TIAM1: variants seen among roughly 807,000 people sequenced by gnomAD.
The protein encoded by TIAM1 is TIAM Rac1 associated GEF 1, also known as rho guanine nucleotide exchange factor TIAM1.
In TIAM1, 65 loss-of-function variants were observed where a neutral mutation model predicts 163.5. That is an observed-to-expected ratio of 0.40 (90% CI 0.33 to 0.49). The LOEUF (loss-of-function observed/expected upper bound fraction) is 0.49. Ranked by LOEUF, TIAM1 falls within the 20% of genes least tolerant of loss-of-function variation. TIAM1 has a pLI of 0.77. For synonymous variants in TIAM1, 833 were observed against 810.1 expected, an observed-to-expected ratio of 1.03 and a Z score of -0.48; for missense variants, 1,789 against 2,044.7, an observed-to-expected ratio of 0.87 and a Z score of 2.41.
chr21:31,318,869 G>A (rs1322536710), intron 2 of TIAM1, among the ~76,000 whole-genome samples: 2 of 152,056 alleles, frequency 1.3e-5, no homozygotes, highest in Admixed American at 1.3e-4. Flanking sequence ...TTTTGTTTTT[G>A]TTGTTTTATA....
At chr21:31,322,106 C>A (rs957260795) in intron 2 of TIAM1, among the ~76,000 whole-genome samples, 1 of 152,140 alleles carries the variant, frequency 6.6e-6, no homozygotes, top group Non-Finnish European at 1.5e-5. Context: ...AGAAAGAAAT[C>A]ATCTAAATAG....
At chr21:31,348,917 A>G (rs537154712), upstream of TIAM1, among the ~76,000 whole-genome samples, 4 of 152,346 alleles carry the variant, frequency 2.6e-5, no homozygotes, top group African/African-American at 9.6e-5. Flanking sequence ...CTCTATCTGA[A>G]AACAGAATAC....
At chr21:31,469,998 T>G (rs1602358217) in intron 1 of TIAM1, among the ~76,000 whole-genome samples, 1 of 109,948 alleles carries the variant, frequency 9.1e-6, no homozygotes, top group Non-Finnish European at 1.8e-5. Context: ...GTGAAAACCT[T>G]GAATTTTTTT....
intron 1 of TIAM1, among the ~76,000 whole-genome samples, chr21:31,518,570 G>A (rs111296358): frequency 0.12 from 18,440 of 152,050 alleles, 1,455 homozygotes; most frequent in African/African-American, 0.19. Context: ...TACAGGTGTT[G>A]GCCACTGCGC....
At chr21:31,335,689 A>C (rs1431472781) in intron 2 of TIAM1, among the ~76,000 whole-genome samples, 1 of 148,966 alleles carries the variant, frequency 6.7e-6, no homozygotes, top group Non-Finnish European at 1.5e-5. Context: ...TGGGTGACAG[A>C]GCGAGACTCT....
intron 12 of TIAM1, among the ~76,000 whole-genome samples, chr21:31,196,906 T>A (rs573478659): frequency 4.6e-5 from 7 of 152,220 alleles, no homozygotes; most frequent in Non-Finnish European, 1.0e-4. Flanking sequence ...GAATACTATG[T>A]AGCCATGAAA....
chr21:31,120,525 C>T lies in TIAM1; in HGVS notation c.4619G>A (p.Arg1540Gln), dbSNP rs751890515. 1.2e-5 allele frequency: 20 copies of T among 1,614,084 alleles called. No homozygotes were observed. Among genetic ancestry groups the T allele is most frequent in the South Asian group, 7.7e-5 (7 of 91,086 alleles). ...ATSISQRERG[R>Q]KTLDSHASRM... ...GGACGCGTGACTATCCAGGGTTTTC[C>T]GGCCTCTTTCCCGCTGACTGATGGA... Residue 1540 changes from arginine (R) to glutamine (Q), a missense_variant, in exon 28 of 28, where the codon CGG (arginine) becomes CAG (glutamine). This residue lies in a region of TIAM1 where 415 missense variants were observed against 439.2 expected (regional missense o/e 0.94). Transcript: ENST00000541036. The surrounding 1 kb of genome is among the most constrained non-coding windows in gnomAD (Gnocchi z 4.2).
At chr21:31,427,570 TG>T (rs1423355595) in intron 2 of TIAM1, among the ~76,000 whole-genome samples, 2 of 152,126 alleles carry the variant, frequency 1.3e-5, no homozygotes, top group Non-Finnish European at 2.9e-5. Flanking sequence ...CCAGACGCAG[TG>T]GCTAATGCCT....
intron 13 of TIAM1, 129 bp downstream of exon 13, chr21:31,195,095 C>T (rs2085778659): frequency 1.6e-6 from 1 of 628,566 alleles, no homozygotes; most frequent in Non-Finnish European, 2.7e-6. Context: ...CTGCCCTCCA[C>T]AGAGCAGGAG....
At chr21:31,152,406 T>A (rs2083420803) in intron 19 of TIAM1, among the ~76,000 whole-genome samples, 1 of 152,184 alleles carries the variant, frequency 6.6e-6, no homozygotes, top group Admixed American at 6.5e-5. Context: ...AAGGTCAAGG[T>A]TGGTACTTCT....
intron 6 of TIAM1, among the ~76,000 whole-genome samples, chr21:31,243,108 C>A (rs1463553888): frequency 1.4e-5 from 2 of 147,316 alleles, no homozygotes; most frequent in Non-Finnish European, 3.0e-5. Flanking sequence ...AGGAGAATTG[C>A]TTGAACGTGG....
At chr21:31,510,814 CA>C (rs10716139) in intron 1 of TIAM1, among the ~76,000 whole-genome samples, 85,068 of 138,592 alleles carry the variant, frequency 0.61, 25,053 homozygotes, top group East Asian at 0.96. Flanking sequence ...AACTCCATCT[CA>C]AAAAAAAAAA....
chr21:31,164,147 T>C (rs955842904), intron 16 of TIAM1, among the ~76,000 whole-genome samples: 18 of 152,272 alleles, frequency 1.2e-4, no homozygotes, highest in Admixed American at 2.0e-4. Context: ...TCCCAGCACT[T>C]TGGGAGGCCA....
chr21:31,184,457 C>A (rs2085187148), intron 14 of TIAM1, among the ~76,000 whole-genome samples: 1 of 152,126 alleles, frequency 6.6e-6, no homozygotes, highest in African/African-American at 2.4e-5. Flanking sequence ...TCTAGACACG[C>A]CAGGTGTTGG....
Position 31,124,690 on chromosome 21 carries a change from G to C in TIAM1, c.4138C>G (p.Pro1380Ala). Reference sequence around the variant, plus strand: ...TTTAGGAAATCCTTTCGGCTCTCTGGGGAGCTAGGAAAAGAAGATTTACAG... The same window carrying C: ...TTTAGGAAATCCTTTCGGCTCTCTGCGGAGCTAGGAAAAGAAGATTTACAG... ...ERVFHLCCSSPESRKDFLKAV... is the reference protein window; with the variant it reads ...ERVFHLCCSSAESRKDFLKAV... The change falls in exon 27 of 28, where the codon CCA (proline) becomes GCA (alanine). Residue 1380 changes from proline (P) to alanine (A), a missense_variant. Transcript: ENST00000541036. 6.4e-7 allele frequency: 1 copy of C among 1,570,602 alleles called. No homozygotes were observed. Among genetic ancestry groups the C allele is most frequent in the Non-Finnish European group, 8.6e-7 (1 of 1,157,694 alleles).
chr21:31,188,999 GATGGAGAC>G (rs2085427568), intron 13 of TIAM1, among the ~76,000 whole-genome samples: 1 of 144,178 alleles, frequency 6.9e-6, no homozygotes, highest in Admixed American at 6.9e-5. Flanking sequence ...AAGCCAATTA[GATGGAGAC>G]ATGGAGACAC....
chr21:31,144,870 A>G (rs2083038908), intron 20 of TIAM1, among the ~76,000 whole-genome samples: 1 of 150,992 alleles, frequency 6.6e-6, no homozygotes, highest in Non-Finnish European at 1.5e-5. Flanking sequence ...AAAGAAAAAT[A>G]TGGGTCATTC....
intron 23 of TIAM1, among the ~76,000 whole-genome samples, chr21:31,132,857 T>A (rs537067031): frequency 6.6e-6 from 1 of 152,214 alleles, no homozygotes; most frequent in African/African-American, 2.4e-5. Context: ...AAAACGTGAA[T>A]GTCAAATACC....
intron 2 of TIAM1, among the ~76,000 whole-genome samples, chr21:31,373,994 A>G (rs1286007660): frequency 6.6e-6 from 1 of 152,004 alleles, no homozygotes; most frequent in Non-Finnish European, 1.5e-5. Context: ...GGTCACCAGA[A>G]GCCCCACCCC....
Sources: allele counts gnomAD v4.1 joint callset (sites outside exome capture counted in the v4.1 genomes callset), GRCh38; gene constraint gnomAD v4.1.1; regional missense constraint gnomAD v4.1.1; non-coding constraint Gnocchi (gnomAD v3.1); transcripts MANE v1.5; gene names NCBI Gene and HGNC (gene_info 2026-07-23, HGNC 2026-07-21).